The following RPS6KA3 variants were observed in gnomAD, a reference collection of about 807,000 sequenced individuals.
The protein encoded by RPS6KA3 is ribosomal protein S6 kinase A3, also known as ribosomal protein S6 kinase alpha-3.
RPS6KA3 carries 4 observed loss-of-function variants against 67.2 expected under a neutral mutation model. The observed-to-expected ratio is 0.06, with a 90% CI of 0.03 to 0.14. The LOEUF (loss-of-function observed/expected upper bound fraction) is 0.14, where lower values mean the gene tolerates loss of function less well. Among genes scored for constraint, RPS6KA3 ranks in the 10% least tolerant of loss-of-function variants. The pLI, the probability that RPS6KA3 is intolerant of heterozygous loss-of-function variation, is 1.00. For missense variants in RPS6KA3, 204 were observed against 559.0 expected (o/e 0.36, Z 6.40); for synonymous variants, 182 against 183.7 (o/e 0.99, Z 0.07).
At chrX:20,264,807 G>A (rs974928646) in intron 1 of RPS6KA3, among the ~76,000 whole-genome samples, 1 of 112,045 alleles carries the variant, frequency 8.9e-6, no homozygotes, top group Non-Finnish European at 1.9e-5. Context: ...GTAAAAGTCA[G>A]GCTCAAAGCA....
chrX:20,165,858 C>T (rs891393046), intron 17 of RPS6KA3, among the ~76,000 whole-genome samples: 1 of 111,238 alleles, frequency 9.0e-6, no homozygotes, highest in African/African-American at 3.3e-5. Flanking sequence ...GTAGTCCCCC[C>T]TTATCCGTGG....
Position 20,261,072 on chromosome X carries a change from TACTC to T in RPS6KA3, c.69+5488_69+5491del, listed in dbSNP as rs777581838. On this transcript the variant is annotated intron_variant, in intron 1 of 21. Coordinates refer to ENST00000379565, the MANE Select transcript of RPS6KA3 (RefSeq NM_004586.3). ...CAAAAAGACAAATACTGCATGTTCT[TACTC>T]ACACGTGGGACTCATAGGTAGGGAG... Among the ~76,000 whole-genome samples the T allele has an allele frequency of 1.6e-3, 177 of 110,427 alleles. 1 individual carries two copies. Among genetic ancestry groups the T allele is most frequent in the African/African-American group, 5.2e-3 (159 of 30,315 alleles).
chrX:20,243,858 G>C (rs1340217335), intron 1 of RPS6KA3, among the ~76,000 whole-genome samples: 1 of 111,034 alleles, frequency 9.0e-6, no homozygotes, highest in Non-Finnish European at 1.9e-5. Flanking sequence ...GAGTGCAGAG[G>C]TTTATTTCCT....
chrX:20,201,111 C>CAAAAA (rs1008409299), intron 4 of RPS6KA3, among the ~76,000 whole-genome samples: 1 of 111,540 alleles, frequency 9.0e-6, no homozygotes, highest in Admixed American at 9.5e-5. Context: ...AATGTAGCAG[C>CAAAAA]AATAATGGCT....
At chrX:20,219,592 A>G (rs959882139) in intron 2 of RPS6KA3, among the ~76,000 whole-genome samples, 10 of 112,021 alleles carry the variant, frequency 8.9e-5, no homozygotes, top group South Asian at 3.7e-4. Context: ...TTGATAAAAT[A>G]TAAGTTAAAA....
At chrX:20,172,622 C>T (rs970647238) in intron 15 of RPS6KA3, 124 bp downstream of exon 15, 4 of 535,602 alleles carry the variant, frequency 7.5e-6, no homozygotes, top group African/African-American at 7.0e-5. Flanking sequence ...AGATCACTAG[C>T]CAGATATTTA....
chrX:20,228,406 C>T (rs1038774634), intron 2 of RPS6KA3, among the ~76,000 whole-genome samples: 12 of 111,439 alleles, frequency 1.1e-4, no homozygotes, highest in Non-Finnish European at 1.9e-4. Flanking sequence ...CATCCTCCTT[C>T]CTGGAGGATA....
intron 10 of RPS6KA3, among the ~76,000 whole-genome samples, chrX:20,183,687 G>A (rs1318234005): frequency 8.9e-6 from 1 of 112,030 alleles, no homozygotes; most frequent in African/African-American, 3.2e-5. Context: ...ACCTGGTAAA[G>A]CAAGTCTTCC....
intron 1 of RPS6KA3, among the ~76,000 whole-genome samples, chrX:20,247,285 G>A (rs2069716811): frequency 9.1e-6 from 1 of 110,313 alleles, no homozygotes; most frequent in Non-Finnish European, 1.9e-5. Flanking sequence ...AAATTAGCTG[G>A]GCGTGGTGGC....
intron 19 of RPS6KA3, among the ~76,000 whole-genome samples, chrX:20,162,576 G>T (rs1347885144): frequency 9.1e-6 from 1 of 109,977 alleles, no homozygotes; most frequent in African/African-American, 3.3e-5. Flanking sequence ...AGGTACAGTG[G>T]CTCATGCCTG....
intron 14 of RPS6KA3, 73 bp from the exon 15 acceptor site, chrX:20,172,944 C>A: frequency 1.1e-6 from 1 of 931,547 alleles, no homozygotes. Flanking sequence ...AAGTATGTTA[C>A]TCAGCATGCA....
chrX:20,218,925 T>C, intron 2 of RPS6KA3: 1 of 762,680 alleles, frequency 1.3e-6, no homozygotes. Context: ...CAAAGTTTTC[T>C]CCTACCAGCT....
At chrX:20,226,062 A>ATCCCAGCT (rs1161090695) in intron 2 of RPS6KA3, among the ~76,000 whole-genome samples, 1 of 111,171 alleles carries the variant, frequency 9.0e-6, no homozygotes, top group Non-Finnish European at 1.9e-5. Flanking sequence ...TGTGCCTGTG[A>ATCCCAGCT]TCCCAGCTAC....
At position 20,240,313 on chromosome X, in the gene RPS6KA3, T is replaced by A. The variant is rs890238400; in HGVS notation, c.70-5499A>T. ...TTTTTTTTTTTTTTTTTTTTTTTTT[T>A]ACCACCCTCAGGTTTCCACAAGTAT... On this transcript the variant is annotated intron_variant, in intron 1 of 21. Transcript: ENST00000379565. Among the ~76,000 whole-genome samples, 148 of 76,473 alleles carry A rather than the reference T, an allele frequency of 1.9e-3. 1 individual carries two copies. The highest frequency in any genetic ancestry group is 4.5e-3 in the Admixed American group (32 of 7,146). 66.4% of individuals were successfully genotyped at this position (76,473 alleles called of 115,157 possible).
intron 2 of RPS6KA3, among the ~76,000 whole-genome samples, chrX:20,228,584 G>C (rs778637506): frequency 9.0e-6 from 1 of 111,144 alleles, no homozygotes; most frequent in African/African-American, 3.3e-5. Flanking sequence ...CTCCAGAGGA[G>C]AGAGGATCTA....
chrX:20,253,085 G>A (rs1422758677), intron 1 of RPS6KA3, among the ~76,000 whole-genome samples: 1 of 110,154 alleles, frequency 9.1e-6, no homozygotes, highest in East Asian at 2.9e-4. Context: ...GAGGGAAAAC[G>A]CTTCCTGCCT....
intron 10 of RPS6KA3, among the ~76,000 whole-genome samples, chrX:20,185,200 G>A (rs1025253254): frequency 8.9e-6 from 1 of 111,853 alleles, no homozygotes; most frequent in African/African-American, 3.3e-5. Flanking sequence ...GCCTGCCTCG[G>A]CCTGCCAAAG....
intron 2 of RPS6KA3, among the ~76,000 whole-genome samples, chrX:20,214,169 A>T (rs981889968): frequency 1.3e-4 from 14 of 110,705 alleles, no homozygotes; most frequent in East Asian, 1.1e-3. Flanking sequence ...TATCCTGGAG[A>T]CCTCTCTTAC....
chrX:20,244,036 T>C (rs773099235), intron 1 of RPS6KA3, among the ~76,000 whole-genome samples: 1 of 111,578 alleles, frequency 9.0e-6, no homozygotes, highest in Admixed American at 9.5e-5. Context: ...AGAAAATGGA[T>C]GGGAAAATTT....
Sources: allele counts gnomAD v4.1 joint callset (sites outside exome capture counted in the v4.1 genomes callset), GRCh38; gene constraint gnomAD v4.1.1; transcripts MANE v1.5; gene names NCBI Gene and HGNC (gene_info 2026-07-23, HGNC 2026-07-21).